Variants in RARB observed in about 807,000 individuals in gnomAD.
The protein encoded by RARB is HBV-activated protein.
In RARB, 17 loss-of-function variants were observed where a neutral mutation model predicts 51.9. That is an observed-to-expected ratio of 0.33 (90% CI 0.22 to 0.49). The LOEUF is 0.49. RARB is among the 20% of genes least tolerant of loss of function. The probability of loss-of-function intolerance (pLI) is 0.99; values close to 1 mark genes in which losing one functional copy is unlikely to be tolerated. For missense variants in RARB, 369 were observed against 550.8 expected, an observed-to-expected ratio of 0.67 and a Z score of 3.30; for synonymous variants, 215 against 195.4, an observed-to-expected ratio of 1.10 and a Z score of -0.84.
chr3:25,399,465 C>T (rs1174959441), intron 5 of RARB, among the ~76,000 whole-genome samples: 1 of 152,160 alleles, frequency 6.6e-6, no homozygotes, highest in Non-Finnish European at 1.5e-5. Flanking sequence ...GAATTGTTGG[C>T]TTTACTCTTT....
intron 5 of RARB, among the ~76,000 whole-genome samples, chr3:25,263,846 C>T (rs1042767196): frequency 2.0e-5 from 3 of 152,260 alleles, no homozygotes; most frequent in African/African-American, 2.4e-5. Flanking sequence ...ACACACTGAT[C>T]GCCTCCTCCC....
chr3:25,227,992 A>G (rs941984049), intron 5 of RARB, among the ~76,000 whole-genome samples: 1 of 152,072 alleles, frequency 6.6e-6, no homozygotes, highest in Non-Finnish European at 1.5e-5. Flanking sequence ...CAATGTCGCT[A>G]TGTGGAAGTT....
intron 2 of RARB, among the ~76,000 whole-genome samples, chr3:24,876,148 C>T (rs958303061): frequency 1.3e-5 from 2 of 152,142 alleles, no homozygotes; most frequent in Non-Finnish European, 2.9e-5. Context: ...ACTTTCATCA[C>T]TTGTTTAAGG....
chr3:24,839,728 G>GT (rs1473999545), intron 1 of RARB, among the ~76,000 whole-genome samples: 1 of 99,834 alleles, frequency 1.0e-5, no homozygotes, highest in African/African-American at 3.9e-5. Context: ...AAGGGGGGGG[G>GT]GGTGGGGGAA....
intron 4 of RARB, among the ~76,000 whole-genome samples, chr3:25,161,913 T>G (rs1466252741): frequency 6.6e-6 from 1 of 152,076 alleles, no homozygotes; most frequent in African/African-American, 2.4e-5. Context: ...GGAAAGAGGC[T>G]GCATGGTACC....
chr3:25,366,597 G>A (rs1028712557), intron 5 of RARB, among the ~76,000 whole-genome samples: 4 of 152,118 alleles, frequency 2.6e-5, no homozygotes, highest in Non-Finnish European at 5.9e-5. Context: ...AATATACAGG[G>A]CACAATCAAA....
intron 5 of RARB, among the ~76,000 whole-genome samples, chr3:25,292,028 G>A (rs1034686996): frequency 1.3e-5 from 2 of 150,868 alleles, no homozygotes; most frequent in African/African-American, 2.4e-5. Flanking sequence ...TGAGAAGGGG[G>A]TAGTGAGTCT....
chr3:25,140,740 C>A (rs1179458514), intron 4 of RARB, among the ~76,000 whole-genome samples: 1 of 152,080 alleles, frequency 6.6e-6, no homozygotes, highest in Non-Finnish European at 1.5e-5. Flanking sequence ...ACAGAGAAAT[C>A]TTTTGAGAAA....
chr3:25,468,084 A>G (rs1409976450), intron 2 of RARB, among the ~76,000 whole-genome samples: 3 of 152,230 alleles, frequency 2.0e-5, no homozygotes, highest in Admixed American at 6.5e-5. Context: ...ATTTTAGGTC[A>G]GAAACCAAAC....
At position 25,014,535 on chromosome 3, in the gene RARB, A is replaced by G. The variant is rs150840437; in HGVS notation, c.-379-45590A>G. Among the ~76,000 whole-genome samples, 1,094 of 152,184 alleles carry G rather than the reference A, an allele frequency of 7.2e-3. 22 individuals carry two copies. Among genetic ancestry groups the G allele is most frequent in the African/African-American group, 0.025 (1,044 of 41,540 alleles). On this transcript the variant is annotated intron_variant, in intron 2 of 11. Coordinates refer to the RARB transcript ENST00000383772. Reference sequence around the variant, plus strand: ...AGACGAATCTATTTTTGACCTTCCAATTGAACCCAGGTGTCAGCATGCAGC... The same window carrying G: ...AGACGAATCTATTTTTGACCTTCCAGTTGAACCCAGGTGTCAGCATGCAGC...
intron 3 of RARB, among the ~76,000 whole-genome samples, chr3:25,523,988 A>G (rs941622341): frequency 2.6e-5 from 4 of 152,202 alleles, no homozygotes; most frequent in African/African-American, 7.2e-5. Flanking sequence ...ATTACATCCT[A>G]TGGGCAATGC....
chr3:24,876,892 A>G (rs1034642182), intron 2 of RARB, among the ~76,000 whole-genome samples: 8 of 152,208 alleles, frequency 5.3e-5, no homozygotes, highest in Admixed American at 5.2e-4. Flanking sequence ...GCATAAACAT[A>G]CTCAGAAGCA....
At chr3:24,868,346 T>C (rs1702888525) in intron 2 of RARB, among the ~76,000 whole-genome samples, 2 of 152,300 alleles carry the variant, frequency 1.3e-5, no homozygotes, top group Non-Finnish European at 1.5e-5. Flanking sequence ...TAGTATTTAA[T>C]CCATTTATAA....
At chr3:25,194,839 G>C (rs1018856003) in intron 5 of RARB, among the ~76,000 whole-genome samples, 1 of 151,890 alleles carries the variant, frequency 6.6e-6, no homozygotes, top group African/African-American at 2.4e-5. Context: ...AAGTTTCTAT[G>C]ATGGCCGCTC....
At chr3:25,061,502 A>G (rs1225770510) in intron 3 of RARB, among the ~76,000 whole-genome samples, 1 of 151,766 alleles carries the variant, frequency 6.6e-6, no homozygotes, top group Admixed American at 6.6e-5. Flanking sequence ...TGTATTTTTT[A>G]TGACTTTGTA....
chr3:25,151,759 C>G (rs1014015740), intron 4 of RARB, among the ~76,000 whole-genome samples: 4 of 152,172 alleles, frequency 2.6e-5, no homozygotes, highest in African/African-American at 9.7e-5. Flanking sequence ...GCTCCCTGAA[C>G]ACGTCTCAAA....
intron 2 of RARB, among the ~76,000 whole-genome samples, chr3:24,918,758 G>A (rs1695158327): frequency 6.6e-6 from 1 of 152,156 alleles, no homozygotes; most frequent in Non-Finnish European, 1.5e-5. Flanking sequence ...GGTCGTGGTG[G>A]CGGGTGCCTG....
intron 5 of RARB, among the ~76,000 whole-genome samples, chr3:25,351,717 T>C (rs111577914): frequency 1.3e-5 from 2 of 152,310 alleles, no homozygotes; most frequent in African/African-American, 2.4e-5. Context: ...TTTTCCTCCA[T>C]GTCTTTTTGT....
At chr3:25,016,054 A>G (rs1189956104) in intron 2 of RARB, among the ~76,000 whole-genome samples, 1 of 152,228 alleles carries the variant, frequency 6.6e-6, no homozygotes, top group Non-Finnish European at 1.5e-5. Flanking sequence ...AACAATGGGT[A>G]CATGCTATTT....
Sources: gnomAD v4.1 joint callset for allele counts (sites outside exome capture counted in the v4.1 genomes callset) on GRCh38, gnomAD v4.1.1 for gene constraint, MANE v1.5 for transcripts, NCBI Gene and HGNC (gene_info 2026-07-23, HGNC 2026-07-21) for gene names.